Variants in ATP8B1 observed in about 807,000 individuals in gnomAD.
The protein encoded by ATP8B1 is ATPase phospholipid transporting 8B1, also known as phospholipid-transporting ATPase IC.
Under a neutral mutation model 149.9 loss-of-function variants are expected in ATP8B1, and 80 were observed. The observed-to-expected ratio is 0.53, with a 90% CI of 0.45 to 0.64. ATP8B1 has a LOEUF of 0.64. Among genes scored for constraint, ATP8B1 ranks in the 30% least tolerant of loss-of-function variants. The probability of loss-of-function intolerance (pLI) is 0.00; values close to 1 mark genes in which losing one functional copy is unlikely to be tolerated. For missense variants in ATP8B1, 1,247 were observed against 1,552.6 expected (o/e 0.80, Z 3.31); for synonymous variants, 536 against 562.8 (o/e 0.95, Z 0.67).
intron 12 of ATP8B1, 178 bp from the exon 13 acceptor site, chr18:57,688,685 G>A (rs762070208): frequency 1.9e-5 from 13 of 676,254 alleles, no homozygotes; most frequent in Middle Eastern, 4.0e-4. Context: ...ACAGTATTGA[G>A]GTGGGGCCTT....
rs1418108244 is a variant in ATP8B1, at chr18:57,694,642, A to G, written c.969T>C (p.Ser323=). Residue 323 remains serine, a synonymous_variant, in exon 11 of 28, where the codon AGT becomes AGC. Coordinates refer to ENST00000648908, the MANE Select transcript of ATP8B1 (RefSeq NM_001374385.1). The stretch of plus-strand genomic sequence containing the variant: ...TAGTTCTTTTAAATCTGGTTTTCCC[A>G]CTATTCTTCATTATTTTAGTGTCAG... ...AGADTKIMKN[S]GKTRFKRTKI... 6.3e-7 allele frequency: 1 copy of G among 1,595,100 alleles called. No homozygotes were observed.
chr18:57,794,490 A>G (rs896619136), intron 1 of ATP8B1, among the ~76,000 whole-genome samples: 1 of 147,982 alleles, frequency 6.8e-6, no homozygotes, highest in East Asian at 1.9e-4. Flanking sequence ...AAAAAAGTCA[A>G]TTCTATGGAA....
chr18:57,662,051 C>G (rs573105253), intron 21 of ATP8B1, among the ~76,000 whole-genome samples: 1 of 152,258 alleles, frequency 6.6e-6, no homozygotes, highest in South Asian at 2.1e-4. Flanking sequence ...TGGGGTCTTG[C>G]TGTATAGCCT....
chr18:57,756,214 C>T (rs961741751), intron 1 of ATP8B1, among the ~76,000 whole-genome samples: 2,385 of 79,324 alleles, frequency 0.03, 103 homozygotes, highest in African/African-American at 0.092. Flanking sequence ...TATATATACA[C>T]ACACACACAC....
At chr18:57,711,689 G>A (rs1913695271) in intron 2 of ATP8B1, among the ~76,000 whole-genome samples, 1 of 152,058 alleles carries the variant, frequency 6.6e-6, no homozygotes, top group African/African-American at 2.4e-5. Flanking sequence ...GAACTCCTGG[G>A]CTCAAGTGAT....
chr18:57,795,720 G>T (rs1430393137), intron 1 of ATP8B1, among the ~76,000 whole-genome samples: 1 of 152,158 alleles, frequency 6.6e-6, no homozygotes, highest in Non-Finnish European at 1.5e-5. Context: ...GAAGGGGGTA[G>T]TTACTCTTTC....
intron 20 of ATP8B1, among the ~76,000 whole-genome samples, chr18:57,666,766 C>A (rs1910885911): frequency 6.6e-6 from 1 of 152,134 alleles, no homozygotes; most frequent in Non-Finnish European, 1.5e-5. Context: ...GAACTCCTGA[C>A]TTCAGGTGAT....
Position 57,699,905 on chromosome 18 carries a change from C to T in ATP8B1, c.554+1134G>A, listed in dbSNP as rs117677390. Among the ~76,000 whole-genome samples the T allele has an allele frequency of 2.0e-3, 298 of 152,236 alleles. 9 individuals carry two copies. In the East Asian group the frequency reaches 0.044, roughly 22 times the overall value. On this transcript the variant is annotated intron_variant, in intron 6 of 27. Transcript: ENST00000648908. ...CTACCTACACTGGTAAAGAGGAGCTCTGGGTTGCCTTGAATTTGGAAGTCT... is the reference window on the plus strand; with the variant it reads ...CTACCTACACTGGTAAAGAGGAGCTTTGGGTTGCCTTGAATTTGGAAGTCT...
intron 22 of ATP8B1, 73 bp from the exon 23 acceptor site, chr18:57,655,490 G>T: frequency 7.2e-7 from 1 of 1,393,642 alleles, no homozygotes; most frequent in Non-Finnish European, 1.0e-6. Context: ...GATAAAAATG[G>T]TTCCATAGCA....
At chr18:57,783,974 C>T (rs1226590591) in intron 1 of ATP8B1, among the ~76,000 whole-genome samples, 2 of 152,212 alleles carry the variant, frequency 1.3e-5, no homozygotes, top group African/African-American at 4.8e-5. Context: ...CTGTTCTCTA[C>T]ATCCTTGCTA....
rs764984556 is a variant in ATP8B1 at position 57,668,430 on chromosome 18, C to T, written c.2208G>A (p.Lys736=). The stretch of plus-strand genomic sequence containing the variant: ...ATGCTTCCCTGCACAATGAATTACC[C>T]TTTTTGTCTCCAGTAAGCACCCAGA... ...IKIWVLTGDK[K]ETAENIGFAC... Residue 736 remains lysine (K), a splice_region_variant and synonymous_variant, in exon 19 of 28, where the codon AAG becomes AAA. Coordinates refer to ENST00000648908, the MANE Select transcript of ATP8B1 (RefSeq NM_001374385.1). 1 of 1,599,512 alleles carries T rather than the reference C, an allele frequency of 6.3e-7. No homozygotes were observed. Among genetic ancestry groups the T allele is most frequent in the Non-Finnish European group, 8.6e-7 (1 of 1,167,076 alleles).
In ATP8B1 at chr18:57,717,576, AAAAAAAAAAAAAGAACT is replaced by A. The variant is rs1454080076; in HGVS notation, c.182-11006_182-10990del. On this transcript the variant is annotated intron_variant, in intron 2 of 27. Transcript: ENST00000648908. ...AAAAAAAAAAAAAAAAAAAAAAAAA[AAAAAAAAAAAAAGAACT>A]AGAAAAGCAAGAGCAAACCAAACCC... 5.9e-4 allele frequency among the ~76,000 whole-genome samples: 83 copies of A among 140,032 alleles called. 2 individuals carry two copies. Among genetic ancestry groups the A allele is most frequent in the African/African-American group, 2.0e-3 (77 of 37,738 alleles). The allele number at this position is 140,032 out of a possible 152,430, so 91.9% of individuals were successfully genotyped here.
intron 1 of ATP8B1, among the ~76,000 whole-genome samples, chr18:57,763,017 ATGAACTCCT>A (rs1379953653): frequency 6.6e-6 from 1 of 152,226 alleles, no homozygotes; most frequent in African/African-American, 2.4e-5. Flanking sequence ...GTGAGGGAAA[ATGAACTCCT>A]TGAACACACG....
chr18:57,653,282 CT>C (rs199543849), intron 24 of ATP8B1, among the ~76,000 whole-genome samples: 8,309 of 114,350 alleles, frequency 0.073, 208 homozygotes, highest in East Asian at 0.23. Flanking sequence ...CTTTTCTTTT[CT>C]TTTTTTTTTT....
At chr18:57,737,848 C>T (rs917740104) in intron 1 of ATP8B1, 1 of 152,318 alleles carries the variant, frequency 6.6e-6, no homozygotes, top group East Asian at 1.9e-4. Context: ...CCCACATGTC[C>T]GTGACTCAAA....
At chr18:57,721,380 C>T (rs1372876310) in intron 2 of ATP8B1, among the ~76,000 whole-genome samples, 6 of 146,260 alleles carry the variant, frequency 4.1e-5, no homozygotes, top group Non-Finnish European at 9.0e-5. Context: ...CACACAGGCT[C>T]AAAATAAAAG....
chr18:57,648,345 C>T lies in ATP8B1; in HGVS notation c.*143G>A. The T allele has an allele frequency of 2.0e-6, 2 of 1,013,918 alleles. No homozygotes were observed. 62.8% of individuals were successfully genotyped at this position (1,013,918 alleles called of 1,614,324 possible). A position where few individuals can be genotyped will look rare whatever the true frequency, so the allele number is the denominator to read the frequency against. On this transcript the variant is annotated 3_prime_UTR_variant, in exon 28 of 28. Coordinates refer to ENST00000648908, the MANE Select transcript of ATP8B1 (RefSeq NM_001374385.1). ...CTCTGCTATTGTTTAATAGTCCAAC[C>T]CAAGGAGTTTGTTATAAAGATTATT...
At chr18:57,756,450 G>A (rs777135427) in intron 1 of ATP8B1, among the ~76,000 whole-genome samples, 8 of 151,384 alleles carry the variant, frequency 5.3e-5, no homozygotes, top group Middle Eastern at 3.4e-3. Flanking sequence ...ACAGGCGCCT[G>A]CCACCATGCC....
chr18:57,675,099 G>A (rs972791229), intron 15 of ATP8B1, 77 bp from the exon 16 acceptor site: 1 of 1,480,540 alleles, frequency 6.8e-7, no homozygotes, highest in Non-Finnish European at 9.3e-7. Context: ...CTCTGCTGAG[G>A]CTCCTGTGGG....
Sources: gnomAD v4.1 joint callset for allele counts (sites outside exome capture counted in the v4.1 genomes callset) on GRCh38, gnomAD v4.1.1 for gene constraint, MANE v1.5 for transcripts, NCBI Gene and HGNC (gene_info 2026-07-23, HGNC 2026-07-21) for gene names.